ZFPM2: variants seen among roughly 807,000 people sequenced by gnomAD.
The protein encoded by ZFPM2 is zinc finger protein, FOG family member 2, also known as zinc finger protein ZFPM2.
Under a neutral mutation model 98.6 loss-of-function variants are expected in ZFPM2, and 20 were observed. The ratio of observed to expected loss-of-function variants is 0.20; its 90% CI spans 0.14 to 0.29. The LOEUF (loss-of-function observed/expected upper bound fraction) is 0.29, where lower values mean the gene tolerates loss of function less well. Among genes scored for constraint, ZFPM2 ranks in the 10% least tolerant of loss-of-function variants. The probability of loss-of-function intolerance (pLI) is 1.00; values close to 1 mark genes in which losing one functional copy is unlikely to be tolerated. For synonymous variants in ZFPM2, 518 were observed against 502.7 expected, an observed-to-expected ratio of 1.03 and a Z score of -0.41; for missense variants, 1,310 against 1,388.6, an observed-to-expected ratio of 0.94 and a Z score of 0.90.
chr8:105,372,163 C>T (rs181004338), intron 1 of ZFPM2, among the ~76,000 whole-genome samples: 15 of 152,106 alleles, frequency 9.9e-5, no homozygotes, highest in African/African-American at 2.9e-4. Context: ...CTGCCTCAGC[C>T]TCCCAGGTAG....
chr8:105,460,253 G>A (rs1035916328), intron 3 of ZFPM2, among the ~76,000 whole-genome samples: 1 of 152,102 alleles, frequency 6.6e-6, no homozygotes, highest in Non-Finnish European at 1.5e-5. Context: ...GTGGCCTAAC[G>A]GATCTGCTGG....
At chr8:105,396,972 A>C (rs1486480456) in intron 1 of ZFPM2, among the ~76,000 whole-genome samples, 1 of 152,212 alleles carries the variant, frequency 6.6e-6, no homozygotes, top group Non-Finnish European at 1.5e-5. Context: ...TTACATGTAA[A>C]TGTTGGTGTT....
At chr8:105,774,453 G>T (rs1273689358) in intron 5 of ZFPM2, among the ~76,000 whole-genome samples, 1 of 152,114 alleles carries the variant, frequency 6.6e-6, no homozygotes, top group African/African-American at 2.4e-5. Context: ...TCCATCAGTG[G>T]AATTACTGAG....
At chr8:105,795,696 G>GTGA in intron 6 of ZFPM2, 1 of 379,692 alleles carries the variant, frequency 2.6e-6, no homozygotes. Flanking sequence ...ATTTACCTTT[G>GTGA]TGATTTTACT....
At chr8:105,782,068 T>C (rs1248995742) in intron 5 of ZFPM2, among the ~76,000 whole-genome samples, 1 of 152,156 alleles carries the variant, frequency 6.6e-6, no homozygotes, top group Non-Finnish European at 1.5e-5. Context: ...CAACTTACAC[T>C]TCCAGCATCA....
intron 1 of ZFPM2, among the ~76,000 whole-genome samples, chr8:105,320,036 T>A (rs1193774270): frequency 6.6e-6 from 1 of 152,354 alleles, no homozygotes; most frequent in East Asian, 1.9e-4. Context: ...TTCACCGTGT[T>A]GCTCAGAGTC....
intron 4 of ZFPM2, among the ~76,000 whole-genome samples, chr8:105,620,825 A>G (rs959797181): frequency 2.6e-5 from 4 of 152,212 alleles, no homozygotes; most frequent in African/African-American, 9.6e-5. Flanking sequence ...CAGGTTTGTC[A>G]AAGATCAGAT....
chr8:105,628,984 A>C (rs1816709465), intron 4 of ZFPM2, among the ~76,000 whole-genome samples: 1 of 152,210 alleles, frequency 6.6e-6, no homozygotes, highest in Admixed American at 6.5e-5. Flanking sequence ...CACTGTAACA[A>C]GCCCTCTTGG....
At chr8:105,711,569 T>C (rs1046813735) in intron 5 of ZFPM2, among the ~76,000 whole-genome samples, 2 of 152,072 alleles carry the variant, frequency 1.3e-5, no homozygotes, top group African/African-American at 4.8e-5. Flanking sequence ...TTTATATATG[T>C]GTTTATTAAT....
At chr8:105,374,546 C>T (rs1022451446) in intron 1 of ZFPM2, among the ~76,000 whole-genome samples, 10 of 151,918 alleles carry the variant, frequency 6.6e-5, no homozygotes, top group African/African-American at 1.5e-4. Flanking sequence ...CCGCCACACC[C>T]GGTGCAATTT....
chr8:105,654,228 A>C (rs1817240407), intron 5 of ZFPM2, among the ~76,000 whole-genome samples: 1 of 152,046 alleles, frequency 6.6e-6, no homozygotes, highest in Non-Finnish European at 1.5e-5. Flanking sequence ...AAAAAAAAAA[A>C]CAAATTTGCT....
chr8:105,588,282 A>G (rs1415043965), intron 4 of ZFPM2, among the ~76,000 whole-genome samples: 1 of 152,168 alleles, frequency 6.6e-6, no homozygotes, highest in Non-Finnish European at 1.5e-5. Flanking sequence ...TCAGTCTCTG[A>G]TGCGGTGAAA....
intron 4 of ZFPM2, among the ~76,000 whole-genome samples, chr8:105,580,827 C>CTCTCTCTATATA (rs1277698205): frequency 7.6e-6 from 1 of 131,472 alleles, no homozygotes; most frequent in African/African-American, 2.8e-5. Context: ...CTCTCTCTCT[C>CTCTCTCTATATA]TATATATATA....
At chr8:105,437,765 A>T (rs115149461) in intron 2 of ZFPM2, among the ~76,000 whole-genome samples, 2 of 152,098 alleles carry the variant, frequency 1.3e-5, no homozygotes, top group Non-Finnish European at 1.5e-5. Context: ...GTTTCTGGCC[A>T]GGAGTGGTGG....
At chr8:105,527,731 G>A (rs1814205978) in intron 3 of ZFPM2, among the ~76,000 whole-genome samples, 1 of 152,170 alleles carries the variant, frequency 6.6e-6, no homozygotes, top group South Asian at 2.1e-4. Flanking sequence ...GCACTGCAGG[G>A]GAGCTAATTG....
At chr8:105,583,458 G>A (rs143027678) in intron 4 of ZFPM2, among the ~76,000 whole-genome samples, 4,424 of 152,164 alleles carry the variant, frequency 0.029, 88 homozygotes, top group Non-Finnish European at 0.046. Flanking sequence ...CAAATCTATA[G>A]CATATTTCTG....
chr8:105,456,155 TG>T (rs66726089), intron 3 of ZFPM2, among the ~76,000 whole-genome samples: 46,770 of 114,728 alleles, frequency 0.41, 11,507 homozygotes, highest in East Asian at 0.58. Flanking sequence ...TGTTTTTTTT[TG>T]TTTGTTTGTT....
At chr8:105,750,943 A>C (rs1285596020) in intron 5 of ZFPM2, among the ~76,000 whole-genome samples, 2 of 152,086 alleles carry the variant, frequency 1.3e-5, no homozygotes, top group African/African-American at 4.8e-5. Flanking sequence ...CCTTTGTCTG[A>C]GGGAGACTGT....
intron 1 of ZFPM2, among the ~76,000 whole-genome samples, chr8:105,323,678 A>C (rs2130649685): frequency 6.6e-6 from 1 of 152,068 alleles, no homozygotes; most frequent in African/African-American, 2.4e-5. Context: ...AAATCTTAAG[A>C]TGACCAATAT....
Sources: allele counts gnomAD v4.1 joint callset (sites outside exome capture counted in the v4.1 genomes callset), GRCh38; gene constraint gnomAD v4.1.1; transcripts MANE v1.5; gene names NCBI Gene and HGNC (gene_info 2026-07-23, HGNC 2026-07-21).